Variants in SORBS2 observed in about 807,000 individuals in gnomAD.
SORBS2 encodes sorbin and SH3 domain containing 2.
Under a neutral mutation model 97.7 loss-of-function variants are expected in SORBS2, and 46 were observed. That is an observed-to-expected ratio of 0.47 (90% CI 0.37 to 0.60). The LOEUF is 0.60. Ranked by LOEUF, SORBS2 falls within the 20% of genes least tolerant of loss-of-function variation. The pLI, the probability that SORBS2 is intolerant of heterozygous loss-of-function variation, is 0.00. For synonymous variants in SORBS2, 476 were observed against 473.4 expected, an observed-to-expected ratio of 1.01 and a Z score of -0.07; for missense variants, 1,316 against 1,282.3, an observed-to-expected ratio of 1.03 and a Z score of -0.40.
intron 1 of SORBS2, among the ~76,000 whole-genome samples, chr4:185,776,675 T>A (rs1440322958): frequency 6.6e-6 from 1 of 151,694 alleles, no homozygotes; most frequent in Non-Finnish European, 1.5e-5. Context: ...CTGAGGCAGG[T>A]GGATCATGAG....
chr4:185,669,692 A>C (rs139835588), intron 4 of SORBS2, among the ~76,000 whole-genome samples: 16 of 152,312 alleles, frequency 1.1e-4, no homozygotes, highest in Non-Finnish European at 2.2e-4. Context: ...AAAAGCAAAA[A>C]TACCCCATAC....
chr4:185,838,588 G>A (rs1037549375), intron 1 of SORBS2, among the ~76,000 whole-genome samples: 8 of 152,210 alleles, frequency 5.3e-5, no homozygotes, highest in African/African-American at 1.9e-4. Context: ...CCGCCCAAAA[G>A]CTCTTGAGAA....
At chr4:185,649,563 G>A in exon 3 of SORBS2, 1 of 1,605,582 alleles carries the variant, frequency 6.2e-7, no homozygotes, top group Non-Finnish European at 8.5e-7. Flanking sequence ...AAAGGCATTG[G>A]GGCTGTTGTC....
chr4:185,594,216 A>AT (rs949864965), intron 12 of SORBS2, among the ~76,000 whole-genome samples: 1 of 152,212 alleles, frequency 6.6e-6, no homozygotes, highest in African/African-American at 2.4e-5. Flanking sequence ...GGTCCCATTG[A>AT]TTTTTCAAAG....
At chr4:185,919,569 G>A (rs1295513232) in intron 1 of SORBS2, 1 of 152,144 alleles carries the variant, frequency 6.6e-6, no homozygotes, top group South Asian at 2.1e-4. Context: ...TTTGACTGTA[G>A]AGGTTTTTCT....
At chr4:185,768,711 A>AAG (rs374246730) in intron 2 of SORBS2, among the ~76,000 whole-genome samples, 1 of 96,036 alleles carries the variant, frequency 1.0e-5, no homozygotes, top group Non-Finnish European at 2.1e-5. Flanking sequence ...AAAAAAAAAA[A>AAG]CAAAAAAACA....
chr4:185,893,990 T>G (rs553413115), intron 1 of SORBS2, among the ~76,000 whole-genome samples: 2 of 152,266 alleles, frequency 1.3e-5, no homozygotes, highest in Non-Finnish European at 2.9e-5. Context: ...CTGCATGGTC[T>G]GTCTACCTCC....
chr4:185,744,044 C>T (rs901015795), intron 2 of SORBS2, among the ~76,000 whole-genome samples: 4 of 140,852 alleles, frequency 2.8e-5, no homozygotes, highest in Non-Finnish European at 4.6e-5. Flanking sequence ...CACTTTCTTC[C>T]CCTTCTTCCT....
intron 1 of SORBS2, among the ~76,000 whole-genome samples, chr4:185,804,571 C>T (rs1458725463): frequency 2.0e-5 from 3 of 152,110 alleles, no homozygotes; most frequent in Non-Finnish European, 2.9e-5. Flanking sequence ...CCAATGTAAA[C>T]GTCCTTAAAA....
At chr4:185,881,392 A>C (rs755749833) in intron 1 of SORBS2, among the ~76,000 whole-genome samples, 4 of 152,202 alleles carry the variant, frequency 2.6e-5, no homozygotes, top group Admixed American at 1.3e-4. Flanking sequence ...AATTCTCTGA[A>C]ATAACAGAAA....
At chr4:185,658,862 A>T (rs988642334), upstream of SORBS2, among the ~76,000 whole-genome samples, 3 of 151,904 alleles carry the variant, frequency 2.0e-5, no homozygotes, top group Non-Finnish European at 2.9e-5. Flanking sequence ...TTTTTGTACA[A>T]AATACAAACA....
intron 1 of SORBS2, among the ~76,000 whole-genome samples, chr4:185,791,854 T>C (rs561933178): frequency 6.6e-4 from 100 of 152,270 alleles, no homozygotes; most frequent in African/African-American, 2.3e-3. Context: ...TTAAACTCCA[T>C]GTGAACTGTA....
At chr4:185,640,223 G>A (rs139454569) in intron 4 of SORBS2, among the ~76,000 whole-genome samples, 185 of 152,232 alleles carry the variant, frequency 1.2e-3, no homozygotes, top group African/African-American at 3.2e-3. Context: ...GTGTCCCTGG[G>A]AAATGCTTAC....
At chr4:185,694,715 TC>T (rs1582905361) in intron 2 of SORBS2, among the ~76,000 whole-genome samples, 4 of 138,204 alleles carry the variant, frequency 2.9e-5, no homozygotes, top group East Asian at 4.5e-4. Context: ...TCTTTTCTTT[TC>T]TTTTTTTTGA....
At chr4:185,792,795 T>G (rs543483533) in intron 1 of SORBS2, among the ~76,000 whole-genome samples, 7 of 152,284 alleles carry the variant, frequency 4.6e-5, no homozygotes, top group African/African-American at 1.7e-4. Context: ...AAATGTAACA[T>G]TTTCTTTTGG....
intron 1 of SORBS2, among the ~76,000 whole-genome samples, chr4:185,886,384 T>C (rs1467447348): frequency 2.0e-5 from 3 of 151,434 alleles, no homozygotes; most frequent in Non-Finnish European, 4.4e-5. Flanking sequence ...TGAAACCCCA[T>C]CTCTACTAAA....
intron 1 of SORBS2, among the ~76,000 whole-genome samples, chr4:185,813,734 C>T (rs2099190939): frequency 6.6e-6 from 1 of 152,208 alleles, no homozygotes; most frequent in African/African-American, 2.4e-5. Flanking sequence ...TTTTATCTTC[C>T]AACACCTGGC....
chr4:185,663,848 C>CTTTTTTTT (rs56177449), intron 4 of SORBS2, among the ~76,000 whole-genome samples: 4 of 80,982 alleles, frequency 4.9e-5, no homozygotes, highest in East Asian at 3.7e-4. Context: ...TAGATTTATT[C>CTTTTTTTT]TTTTTTTTTT....
chr4:185,756,645 G>T (rs1406867410), intron 2 of SORBS2, among the ~76,000 whole-genome samples: 2 of 151,720 alleles, frequency 1.3e-5, no homozygotes, highest in African/African-American at 4.8e-5. Context: ...ATCCTGAAGC[G>T]GGCTTCCATT....
Sources: allele counts gnomAD v4.1 joint callset (sites outside exome capture counted in the v4.1 genomes callset), GRCh38; gene constraint gnomAD v4.1.1; transcripts MANE v1.5; gene names NCBI Gene and HGNC (gene_info 2026-07-23, HGNC 2026-07-21).